Variants in MGAT4C observed in about 807,000 individuals in gnomAD.
MGAT4C encodes alpha-1,3-mannosyl-glycoprotein 4-beta-N-acetylglucosaminyltransferase C.
A neutral mutation model predicts 40.1 loss-of-function variants in MGAT4C; 19 were observed. The ratio of observed to expected loss-of-function variants is 0.47; its 90% CI spans 0.33 to 0.70. The LOEUF is 0.70. Among genes scored for constraint, MGAT4C ranks in the 30% least tolerant of loss-of-function variants. The pLI is 0.02. For synonymous variants in MGAT4C, 181 were observed against 187.1 expected (o/e 0.97, Z 0.27); for missense variants, 491 against 563.2 (o/e 0.87, Z 1.30).
intron 1 of MGAT4C, among the ~76,000 whole-genome samples, chr12:86,837,877 T>C (rs1220298578): frequency 6.6e-6 from 1 of 152,178 alleles, no homozygotes; most frequent in Non-Finnish European, 1.5e-5. Flanking sequence ...ATCATAAGTA[T>C]AATGGGATAA....
chr12:86,019,392 A>G (rs929565563), intron 2 of MGAT4C, among the ~76,000 whole-genome samples: 2 of 152,150 alleles, frequency 1.3e-5, no homozygotes, highest in Non-Finnish European at 2.9e-5. Context: ...ATAAATGGCA[A>G]TTCGGTTTAA....
chr12:86,268,372 C>A (rs1398807320), intron 4 of MGAT4C, among the ~76,000 whole-genome samples: 1 of 151,964 alleles, frequency 6.6e-6, no homozygotes, highest in Non-Finnish European at 1.5e-5. Flanking sequence ...TGGCCCATCA[C>A]AAAAGAGTTA....
chr12:86,314,874 A>G (rs1472282892), intron 4 of MGAT4C, among the ~76,000 whole-genome samples: 1 of 152,220 alleles, frequency 6.6e-6, no homozygotes. Context: ...AAAACATTCC[A>G]TGCTCATAAA....
At chr12:86,828,489 C>T (rs544760057) in intron 1 of MGAT4C, among the ~76,000 whole-genome samples, 91 of 151,222 alleles carry the variant, frequency 6.0e-4, no homozygotes, top group African/African-American at 2.1e-3. Flanking sequence ...TTATAAATAC[C>T]GACAGAGTAA....
At chr12:86,669,512 C>G (rs1018155249) in intron 2 of MGAT4C, among the ~76,000 whole-genome samples, 1 of 152,204 alleles carries the variant, frequency 6.6e-6, no homozygotes, top group African/African-American at 2.4e-5. Flanking sequence ...GGGTTTTAGG[C>G]TGTCCCCCAT....
intron 2 of MGAT4C, among the ~76,000 whole-genome samples, chr12:86,472,594 T>C (rs1288150430): frequency 6.6e-6 from 1 of 152,190 alleles, no homozygotes; most frequent in African/African-American, 2.4e-5. Context: ...AAAATCTTAC[T>C]ATTATAGATT....
intron 2 of MGAT4C, among the ~76,000 whole-genome samples, chr12:86,467,885 G>A (rs2136301021): frequency 6.6e-6 from 1 of 152,124 alleles, no homozygotes. Flanking sequence ...ATGGTAGATT[G>A]ACAAATATCA....
At chr12:86,130,598 T>C (rs1261037678) in intron 1 of MGAT4C, among the ~76,000 whole-genome samples, 1 of 152,066 alleles carries the variant, frequency 6.6e-6, no homozygotes, top group Non-Finnish European at 1.5e-5. Flanking sequence ...CAAATTCATA[T>C]GTACAAAGAG....
At chr12:86,806,308 G>A (rs572113342) in intron 1 of MGAT4C, among the ~76,000 whole-genome samples, 1 of 151,986 alleles carries the variant, frequency 6.6e-6, no homozygotes, top group East Asian at 1.9e-4. Flanking sequence ...GAAGACCTGT[G>A]TACACTTTAT....
chr12:86,835,551 G>C (rs1278899067), intron 1 of MGAT4C, among the ~76,000 whole-genome samples: 1 of 151,886 alleles, frequency 6.6e-6, no homozygotes, highest in African/African-American at 2.4e-5. Flanking sequence ...GGTATAATGA[G>C]CAAGAGGATT....
At chr12:86,124,817 C>T (rs906517502) in intron 1 of MGAT4C, among the ~76,000 whole-genome samples, 1 of 152,028 alleles carries the variant, frequency 6.6e-6, no homozygotes, top group Admixed American at 6.6e-5. Flanking sequence ...TTTTACCAAG[C>T]ATGGAGAAGA....
At chr12:86,486,421 A>ACACAC (rs1958021103) in intron 2 of MGAT4C, among the ~76,000 whole-genome samples, 4 of 143,394 alleles carry the variant, frequency 2.8e-5, no homozygotes, top group African/African-American at 7.7e-5. Context: ...CACACACACA[A>ACACAC]AAGAGCATGA....
At chr12:86,642,774 T>C (rs187616189) in intron 2 of MGAT4C, among the ~76,000 whole-genome samples, 11 of 151,688 alleles carry the variant, frequency 7.3e-5, no homozygotes, top group Admixed American at 5.3e-4. Context: ...TTTTATGTTT[T>C]TCATAAAACA....
chr12:86,218,732 G>A (rs1399296361), intron 1 of MGAT4C, among the ~76,000 whole-genome samples: 1 of 152,074 alleles, frequency 6.6e-6, no homozygotes, highest in East Asian at 1.9e-4. Flanking sequence ...TGCTGTGGCA[G>A]GTTTTCATTC....
At chr12:86,221,207 G>A (rs1254824277) in intron 1 of MGAT4C, among the ~76,000 whole-genome samples, 1 of 151,972 alleles carries the variant, frequency 6.6e-6, no homozygotes, top group Admixed American at 6.6e-5. Flanking sequence ...ACTCGTGGGG[G>A]CTTCTGTTAA....
chr12:86,705,307 A>C (rs188625080), intron 2 of MGAT4C, among the ~76,000 whole-genome samples: 3 of 152,182 alleles, frequency 2.0e-5, no homozygotes, highest in African/African-American at 7.2e-5. Context: ...TGCTTAAATG[A>C]AATACAATTG....
At chr12:86,359,872 T>G (rs867503366) in intron 3 of MGAT4C, among the ~76,000 whole-genome samples, 1 of 152,174 alleles carries the variant, frequency 6.6e-6, no homozygotes, top group Admixed American at 6.5e-5. Context: ...CAGGACCAGA[T>G]GGATTCACAG....
At chr12:86,627,862 C>T (rs1273626174) in intron 2 of MGAT4C, among the ~76,000 whole-genome samples, 1 of 152,070 alleles carries the variant, frequency 6.6e-6, no homozygotes, top group African/African-American at 2.4e-5. Flanking sequence ...AGCTCCTTGC[C>T]AGCAATGGAA....
intron 2 of MGAT4C, among the ~76,000 whole-genome samples, chr12:86,664,958 G>A (rs954023059): frequency 5.3e-5 from 8 of 152,054 alleles, no homozygotes; most frequent in Non-Finnish European, 1.2e-4. Context: ...ATCATTTCAT[G>A]TATCAGTATC....
Sources: allele counts gnomAD v4.1 joint callset (sites outside exome capture counted in the v4.1 genomes callset), GRCh38; gene constraint gnomAD v4.1.1; transcripts MANE v1.5; gene names NCBI Gene and HGNC (gene_info 2026-07-23, HGNC 2026-07-21).